The following NAP1L4 variants were observed in gnomAD, a reference collection of about 807,000 sequenced individuals.
NAP1L4 encodes the protein nucleosome assembly protein 1 like 4.
A neutral mutation model predicts 58.2 loss-of-function variants in NAP1L4; 15 were observed. That is an observed-to-expected ratio of 0.26 (90% CI 0.17 to 0.40). NAP1L4 has a LOEUF of 0.40. Among genes scored for constraint, NAP1L4 ranks in the 10% least tolerant of loss-of-function variants. NAP1L4 has a pLI of 1.00. For synonymous variants in NAP1L4, 171 were observed against 155.6 expected (o/e 1.10, Z -0.74); for missense variants, 384 against 451.1 (o/e 0.85, Z 1.35).
In NAP1L4 at chr11:2,951,394, GC is replaced by G. The variant is rs975026195; in HGVS notation, c.1066-80del. The G allele has an allele frequency of 1.0e-5, 12 of 1,182,646 alleles. No homozygotes were observed. The African/African-American group carries it at 1.7e-4, about 16-fold the overall frequency. The allele number at this position is 1,182,646 out of a possible 1,614,324, so 73.3% of individuals were successfully genotyped here. A position where few individuals can be genotyped will look rare whatever the true frequency, so the allele number is the denominator to read the frequency against. ...CATTCACAATCCACAAACACAAGGA[GC>G]AAAACACTGCCTTAGATGGAAATCA... On this transcript the variant is annotated intron_variant, in intron 13 of 15. Transcript: ENST00000380542. This position sits in a 1 kb window ranked among gnomAD's most constrained non-coding sequence, Gnocchi z 4.0.
In NAP1L4 at chr11:2,971,408, A is replaced by G. The variant is rs946223293; in HGVS notation, c.402+40T>C. On this transcript the variant is annotated intron_variant, in intron 6 of 15. Transcript: ENST00000380542. The surrounding 1 kb of genome is among the most constrained non-coding windows in gnomAD (Gnocchi z 4.2). Reference sequence around the variant, plus strand: ...TTAAAAAATGCTTATTTTTAACAGTATTAAAACAGAACATGAGTCACATGT... The same window carrying G: ...TTAAAAAATGCTTATTTTTAACAGTGTTAAAACAGAACATGAGTCACATGT... The G allele has an allele frequency of 1.3e-6, 2 of 1,555,188 alleles. No individual in the cohort carries two copies. Among genetic ancestry groups the G allele is most frequent in the African/African-American group, 1.4e-5 (1 of 73,648 alleles).
At chr11:2,967,837 C>A (rs527862498) in intron 7 of NAP1L4, among the ~76,000 whole-genome samples, 3 of 152,234 alleles carry the variant, frequency 2.0e-5, no homozygotes, top group South Asian at 2.1e-4. Flanking sequence ...TACAGAGGTG[C>A]TGGGAGAATG....
intron 8 of NAP1L4, among the ~76,000 whole-genome samples, chr11:2,960,490 A>T (rs1846817267): frequency 6.6e-6 from 1 of 152,214 alleles, no homozygotes; most frequent in South Asian, 2.1e-4. Flanking sequence ...ACCGGGAAAA[A>T]GGATGCAAAC....
intron 1 of NAP1L4, among the ~76,000 whole-genome samples, chr11:2,983,433 T>A (rs1848442783): frequency 6.6e-6 from 1 of 152,092 alleles, no homozygotes; most frequent in South Asian, 2.1e-4. Context: ...CTCACTGCAG[T>A]CTCAAACTCC....
chr11:2,946,414 A>G lies in NAP1L4; in HGVS notation c.*33-768T>C, dbSNP rs569750315. On this transcript the variant is annotated intron_variant, in intron 15 of 15. Coordinates refer to ENST00000380542, the MANE Select transcript of NAP1L4 (RefSeq NM_005969.4). This position sits in a 1 kb window ranked among gnomAD's most constrained non-coding sequence, Gnocchi z 4.8. Reference sequence around the variant, plus strand: ...TTAAACCACATCCAGCAACTCCATGAATTTGTGTGGAGGCCAACAATAGCC... The same window carrying G: ...TTAAACCACATCCAGCAACTCCATGGATTTGTGTGGAGGCCAACAATAGCC... 6.6e-6 allele frequency among the ~76,000 whole-genome samples: 1 copy of G among 152,330 alleles called. No individual in the cohort carries two copies. The highest frequency in any genetic ancestry group is 2.4e-5 in the African/African-American group (1 of 41,572).
chr11:2,991,005 G>A (rs766857512), intron 1 of NAP1L4: 5 of 420,372 alleles, frequency 1.2e-5, no homozygotes, highest in South Asian at 6.4e-5. Flanking sequence ...AATGCAGGAG[G>A]ATAAGGCACG....
intron 1 of NAP1L4, chr11:2,990,286 A>T (rs1848883052): frequency 6.6e-6 from 1 of 152,222 alleles, no homozygotes; most frequent in Non-Finnish European, 1.5e-5. Flanking sequence ...TCACATCATA[A>T]GGCCCTGAAA....
chr11:2,956,152 T>C (rs1013915461), intron 10 of NAP1L4, among the ~76,000 whole-genome samples: 9 of 152,220 alleles, frequency 5.9e-5, no homozygotes, highest in African/African-American at 2.2e-4. Flanking sequence ...GAACTATACA[T>C]GATGGTGCAG....
Position 2,968,523 on chromosome 11 carries a change from ACAT to A in NAP1L4, c.534+1277_534+1279del, listed in dbSNP as rs1190609073. Among the ~76,000 whole-genome samples, 4 of 152,218 alleles carry A rather than the reference ACAT, an allele frequency of 2.6e-5. No individual in the cohort carries two copies. The East Asian group carries it at 7.7e-4, about 29-fold the overall frequency. On this transcript the variant is annotated intron_variant, in intron 7 of 15. Coordinates refer to ENST00000380542, the MANE Select transcript of NAP1L4 (RefSeq NM_005969.4). ...CTGGTCTGGAAGGAGAATAAGAAAT[ACAT>A]CATTCTTTCCATCTTTTCTCAAGTT...
rs1028264409 is a variant in NAP1L4, at chr11:2,955,237, C to T, written c.915+507G>A. On this transcript the variant is annotated intron_variant, in intron 11 of 15. Transcript: ENST00000380542. This position sits in a 1 kb window ranked among gnomAD's most constrained non-coding sequence, Gnocchi z 4.2. ...CTTTTGAGACGGAGTCTTGCTCTGT[C>T]GCCCAATGGAATACGGTGGTGCAAT... Among the ~76,000 whole-genome samples the T allele has an allele frequency of 1.3e-5, 2 of 152,054 alleles. No individual in the cohort carries two copies. Among genetic ancestry groups the T allele is most frequent in the Non-Finnish European group, 2.9e-5 (2 of 68,026 alleles).
intron 1 of NAP1L4, among the ~76,000 whole-genome samples, chr11:2,983,175 C>A (rs1332203815): frequency 6.6e-6 from 1 of 152,170 alleles, no homozygotes; most frequent in Non-Finnish European, 1.5e-5. Context: ...TGATGCTGTT[C>A]ACTATGCAGC....
At chr11:2,961,125 C>CA (rs1554952226) in intron 8 of NAP1L4, among the ~76,000 whole-genome samples, 3 of 151,586 alleles carry the variant, frequency 2.0e-5, no homozygotes, top group African/African-American at 7.3e-5. Context: ...AAACCATCAA[C>CA]GGGGGGGAAA....
rs138580745 is a variant in NAP1L4, at chr11:2,946,745, A to G, written c.*33-1099T>C. On this transcript the variant is annotated intron_variant, in intron 15 of 15. Coordinates refer to ENST00000380542, the MANE Select transcript of NAP1L4 (RefSeq NM_005969.4). The surrounding 1 kb of genome is among the most constrained non-coding windows in gnomAD (Gnocchi z 4.8). ...CCCTGGTGTCTAAGCTCCCAATCTC[A>G]GCCACCCCAGAGGCTGCCCAAAGAG... 6.6e-6 allele frequency among the ~76,000 whole-genome samples: 1 copy of G among 152,352 alleles called. No homozygotes were observed. The highest frequency in any genetic ancestry group is 1.9e-4 in the East Asian group (1 of 5,190).
At position 2,951,750 on chromosome 11, in the gene NAP1L4, TA is replaced by T; in HGVS notation, c.1065+29del. The T allele has an allele frequency of 1.2e-6, 2 of 1,611,512 alleles. No homozygotes were observed. Among genetic ancestry groups the T allele is most frequent in the Non-Finnish European group, 1.7e-6 (2 of 1,177,954 alleles). On this transcript the variant is annotated intron_variant, in intron 13 of 15. Coordinates refer to ENST00000380542, the MANE Select transcript of NAP1L4 (RefSeq NM_005969.4). The surrounding 1 kb of genome is among the most constrained non-coding windows in gnomAD (Gnocchi z 4.0). Reference sequence around the variant, plus strand: ...AGCCAAAGAAACAACTTCAGGGAGGTAAGTGGCACTGCATAAACCTGTCTCT... The same window carrying T: ...AGCCAAAGAAACAACTTCAGGGAGGTAGTGGCACTGCATAAACCTGTCTCT...
intron 1 of NAP1L4, among the ~76,000 whole-genome samples, chr11:2,980,034 TG>T (rs577849544): frequency 1.3e-3 from 204 of 152,310 alleles, no homozygotes; most frequent in Non-Finnish European, 2.0e-3. Flanking sequence ...GTATTGCTTG[TG>T]TAAAAACCTT....
intron 1 of NAP1L4, among the ~76,000 whole-genome samples, chr11:2,981,228 A>G (rs1848284164): frequency 6.7e-6 from 1 of 148,510 alleles, no homozygotes; most frequent in South Asian, 2.2e-4. Flanking sequence ...ACACAGTCAG[A>G]CTGTCTCAAA....
chr11:2,977,047 T>C (rs1001848806), intron 3 of NAP1L4, among the ~76,000 whole-genome samples: 3 of 152,230 alleles, frequency 2.0e-5, no homozygotes, highest in African/African-American at 7.2e-5. Flanking sequence ...ATTTTAAACA[T>C]TCATAATAGA....
Position 2,958,386 on chromosome 11 carries a change from C to T in NAP1L4, c.892+13G>A, listed in dbSNP as rs746125781. 8.2e-5 allele frequency: 133 copies of T among 1,613,418 alleles called. No individual in the cohort carries two copies. The highest frequency in any genetic ancestry group is 1.1e-4 in the Non-Finnish European group (125 of 1,179,604). On this transcript the variant is annotated intron_variant, in intron 10 of 15. Transcript: ENST00000380542. ...ATAAGAACATAATGAATATTAACAA[C>T]CAACAGACTTGCCTTTCAATGGATT...
chr11:2,958,327 T>C (rs1170073874), intron 10 of NAP1L4, 72 bp downstream of exon 10: 2 of 1,483,188 alleles, frequency 1.3e-6, no homozygotes, highest in Admixed American at 1.7e-5. Flanking sequence ...TCTCTGGGTG[T>C]TAGGAATCTA....
Sources: gnomAD v4.1 joint callset for allele counts (sites outside exome capture counted in the v4.1 genomes callset) on GRCh38, gnomAD v4.1.1 for gene constraint, Gnocchi (gnomAD v3.1) non-coding constraint, MANE v1.5 for transcripts, NCBI Gene and HGNC (gene_info 2026-07-23, HGNC 2026-07-21) for gene names.